SRPX: variants seen among roughly 807,000 people sequenced by gnomAD.
The protein encoded by SRPX is sushi repeat-containing protein SRPX.
A neutral mutation model predicts 38.1 loss-of-function variants in SRPX; 24 were observed. The observed-to-expected ratio is 0.63, with a 90% CI of 0.46 to 0.89. The LOEUF is 0.89. Among genes scored for constraint, SRPX ranks in the 40% least tolerant of loss-of-function variants. SRPX has a pLI of 0.00. For synonymous variants in SRPX, 184 were observed against 153.8 expected, an observed-to-expected ratio of 1.20 and a Z score of -1.45; for missense variants, 416 against 377.8, an observed-to-expected ratio of 1.10 and a Z score of -0.84.
In SRPX at chrX:38,220,730, CA is replaced by C. The variant is rs751410334; in HGVS notation, c.62del (p.Leu21ArgfsTer19). 6.9e-6 allele frequency: 8 copies of C among 1,156,136 alleles called. No individual in the cohort carries two copies. In the South Asian group the frequency reaches 1.5e-4, roughly 22 times the overall value. On this transcript the variant is annotated frameshift_variant, in exon 1 of 10. Transcript: ENST00000378533. LOFTEE classifies it high-confidence loss of function. ...TGCGGCTGGGCGGGACGCGCAGCAG[CA>C]GCAGCAGCAGCAGAGGCGGCAGCAG... is the stretch of plus-strand genomic sequence containing the variant. Reference protein sequence around the residue: ...LLLLPPLLLLLLLRVPPSRSF... With the variant: ...LLLLPPLLLLXLLRVPPSRSF...
chrX:38,178,249 A>T, intron 2 of SRPX, 36 bp downstream of exon 2: 1 of 1,148,709 alleles, frequency 8.7e-7, no homozygotes. Flanking sequence ...TCCTGGCACC[A>T]GCAGGTCCTC....
At chrX:38,197,713 T>C (rs1939023438) in intron 1 of SRPX, among the ~76,000 whole-genome samples, 1 of 112,315 alleles carries the variant, frequency 8.9e-6, no homozygotes, top group Non-Finnish European at 1.9e-5. Context: ...GAATAAACTT[T>C]AGATTTGTAG....
intron 6 of SRPX, 53 bp downstream of exon 6, chrX:38,160,880 C>A (rs1187896736): frequency 1.7e-6 from 2 of 1,184,753 alleles, no homozygotes; most frequent in Non-Finnish European, 2.3e-6. Context: ...GACCTACTTC[C>A]CTTTGCTCTT....
rs775184648 is a variant in SRPX at position 38,161,010 on chromosome X, C to G, written c.698G>C (p.Gly233Ala). The change falls in exon 6 of 10, where the codon GGA becomes GCA. Residue 233 changes from glycine (G) to alanine (A), a missense_variant. Gly to Ala is a moderately conservative substitution (Grantham distance 60). Transcript: ENST00000378533. ...GLPPGSNFPEGDHKIQYTVYD... is the reference protein window; with the variant it reads ...GLPPGSNFPEADHKIQYTVYD... ...GACTGTGTACTGGATCTTGTGGTCT[C>G]CTTCTGGAAAGTTGGAGCCTGGGGG... 5.0e-6 allele frequency: 6 copies of G among 1,210,166 alleles called. No homozygotes were observed. The Admixed American group carries it at 1.3e-4, about 26-fold the overall frequency.
At chrX:38,159,720 A>T (rs1938203144) in intron 7 of SRPX, among the ~76,000 whole-genome samples, 1 of 112,742 alleles carries the variant, frequency 8.9e-6, no homozygotes, top group African/African-American at 3.2e-5. Context: ...TTCTAGAACA[A>T]AGGAAACTAG....
intron 1 of SRPX, among the ~76,000 whole-genome samples, chrX:38,182,550 TC>T (rs1938691700): frequency 9.0e-6 from 1 of 111,522 alleles, no homozygotes. Flanking sequence ...GACTCTTAAG[TC>T]AAAAAATTAA....
In SRPX at chrX:38,149,688, T is replaced by C; in HGVS notation, c.*23A>G. ...TCACTATGTAGACAATGAAGAGGAA[T>C]TGCCAAGAGAGGAACCATCATGTCA... is the stretch of plus-strand genomic sequence containing the variant. On this transcript the variant is annotated 3_prime_UTR_variant, in exon 10 of 10. Transcript: ENST00000378533. 8.4e-7 allele frequency: 1 copy of C among 1,194,032 alleles called. No individual in the cohort carries two copies. Among genetic ancestry groups the C allele is most frequent in the Non-Finnish European group, 1.1e-6 (1 of 885,835 alleles).
chrX:38,196,935 G>A lies in SRPX; in HGVS notation c.98-18591C>T, dbSNP rs769061826. 1.5e-4 allele frequency among the ~76,000 whole-genome samples: 17 copies of A among 111,538 alleles called. No individual in the cohort carries two copies. The East Asian group carries it at 4.5e-3, about 30-fold the overall frequency. ...ACTCTTCCAGAAATTCTTGCTGAGC[G>A]AGCTCCCACAGGACTGGAGTAAATC... is the stretch of plus-strand genomic sequence containing the variant. On this transcript the variant is annotated intron_variant, in intron 1 of 9. Coordinates refer to ENST00000378533, the MANE Select transcript of SRPX (RefSeq NM_006307.5).
At chrX:38,181,403 C>T (rs781198255) in intron 1 of SRPX, among the ~76,000 whole-genome samples, 2 of 112,369 alleles carry the variant, frequency 1.8e-5, no homozygotes, top group African/African-American at 6.5e-5. Context: ...AAAGGGTCTA[C>T]TTTTAGTGAT....
At chrX:38,165,177 T>C (rs1419941428) in intron 4 of SRPX, among the ~76,000 whole-genome samples, 1 of 112,147 alleles carries the variant, frequency 8.9e-6, no homozygotes, top group African/African-American at 3.2e-5. Context: ...TTCCTCCCCA[T>C]GCTTCCAAAC....
intron 1 of SRPX, 87 bp from the exon 2 acceptor site, chrX:38,178,431 G>T: frequency 1.3e-6 from 1 of 776,943 alleles, no homozygotes; most frequent in Non-Finnish European, 1.9e-6. Context: ...CACAGACCAT[G>T]CAGGAGGTGC....
intron 9 of SRPX, among the ~76,000 whole-genome samples, chrX:38,152,202 G>C (rs1938030239): frequency 8.9e-6 from 1 of 111,887 alleles, no homozygotes; most frequent in African/African-American, 3.3e-5. Context: ...CAATTCAAAG[G>C]GAAAAAGTTC....
chrX:38,160,118 G>C lies in SRPX; in HGVS notation c.854C>G (p.Thr285Ser). The C allele has an allele frequency of 8.3e-7, 1 of 1,211,857 alleles. No individual in the cohort carries two copies. Among genetic ancestry groups the C allele is most frequent in the Non-Finnish European group, 1.1e-6 (1 of 895,464 alleles). Residue 285 changes from threonine (T) to serine (S), a missense_variant, in exon 7 of 10, where the codon ACC (threonine) becomes AGC (serine). By Grantham distance (58) the Thr-to-Ser change is moderately conservative. Coordinates refer to ENST00000378533, the MANE Select transcript of SRPX (RefSeq NM_006307.5). ...GCCGCCGATGCAGGAGAACTCACAGGTGGCTCCATAATTATCACCGTCGCT... is the reference window on the plus strand; with the variant it reads ...GCCGCCGATGCAGGAGAACTCACAGCTGGCTCCATAATTATCACCGTCGCT... ...CSSDGDNYGA[T>S]CEFSCIGGYE...
intron 5 of SRPX, among the ~76,000 whole-genome samples, chrX:38,163,265 A>G: frequency 8.9e-6 from 1 of 112,363 alleles, no homozygotes; most frequent in East Asian, 2.8e-4. Flanking sequence ...ATGTAGGAAC[A>G]AAATGTCCTG....
rs139026038 is a variant in SRPX at position 38,200,039 on chromosome X, T to G, written c.97+20657A>C. Among the ~76,000 whole-genome samples the G allele has an allele frequency of 3.8e-3, 421 of 112,262 alleles. 5 individuals are homozygous for G. Among genetic ancestry groups the G allele is most frequent in the Non-Finnish European group, 5.3e-3 (283 of 53,304 alleles). ...GCTGAAGTCAATTTCAGATGTCTGCTCAAAATAAGAATGTGTGGCTGGTTC... is the reference window on the plus strand; with the variant it reads ...GCTGAAGTCAATTTCAGATGTCTGCGCAAAATAAGAATGTGTGGCTGGTTC... On this transcript the variant is annotated intron_variant, in intron 1 of 9. Coordinates refer to ENST00000378533, the MANE Select transcript of SRPX (RefSeq NM_006307.5).
At chrX:38,213,986 T>C (rs1425789304) in intron 1 of SRPX, among the ~76,000 whole-genome samples, 2 of 111,947 alleles carry the variant, frequency 1.8e-5, no homozygotes, top group Non-Finnish European at 3.8e-5. Flanking sequence ...GAAGATTACA[T>C]TTCAACATGA....
chrX:38,184,898 C>T (rs935713671), intron 1 of SRPX, among the ~76,000 whole-genome samples: 12 of 112,098 alleles, frequency 1.1e-4, no homozygotes, highest in African/African-American at 3.9e-4. Flanking sequence ...CTGTCAAATA[C>T]GGCAGCCACT....
intron 1 of SRPX, among the ~76,000 whole-genome samples, chrX:38,195,991 A>T (rs1938992368): frequency 8.9e-6 from 1 of 112,153 alleles, no homozygotes; most frequent in Non-Finnish European, 1.9e-5. Context: ...ATTAAGGGAA[A>T]CCAAAGAAGT....
chrX:38,191,176 A>G (rs1228286157), intron 1 of SRPX, among the ~76,000 whole-genome samples: 2 of 111,952 alleles, frequency 1.8e-5, no homozygotes. Context: ...CTTTCTTCAA[A>G]GCTTTTTCGA....
Sources: gnomAD v4.1 joint callset for allele counts (sites outside exome capture counted in the v4.1 genomes callset) on GRCh38, gnomAD v4.1.1 for gene constraint, MANE v1.5 for transcripts, NCBI Gene and HGNC (gene_info 2026-07-23, HGNC 2026-07-21) for gene names.